Variants in USF2 observed in about 807,000 individuals in gnomAD.
The protein encoded by USF2 is upstream stimulatory factor 2.
A neutral mutation model predicts 46.9 loss-of-function variants in USF2; 16 were observed. That is an observed-to-expected ratio of 0.34 (90% CI 0.23 to 0.52). The LOEUF (loss-of-function observed/expected upper bound fraction) is 0.52. USF2 is among the 20% of genes least tolerant of loss of function. USF2 has a pLI of 0.96. For synonymous variants in USF2, 239 were observed against 194.1 expected (o/e 1.23, Z -1.92); for missense variants, 411 against 474.0 (o/e 0.87, Z 1.23).
intron 7 of USF2, among the ~76,000 whole-genome samples, chr19:35,271,470 C>T (rs983509402): frequency 2.6e-5 from 4 of 152,312 alleles, no homozygotes; most frequent in South Asian, 2.1e-4. Context: ...ACCGGGCTCA[C>T]GTGGGCTGAC....
chr19:35,269,507 G>T lies in USF2; in HGVS notation c.109+15G>T, dbSNP rs772249241. On this transcript the variant is annotated intron_variant, in intron 2 of 9. Coordinates refer to ENST00000222305, the MANE Select transcript of USF2 (RefSeq NM_003367.4). ...GCTGCAGGAAGGTGAGTGCTTGCCG[G>T]GCCGGCCGCGCCCGGGGAGGGCTGG... 30 of 1,543,726 alleles carry T rather than the reference G, an allele frequency of 1.9e-5. No homozygotes were observed. The highest frequency in any genetic ancestry group is 2.6e-5 in the Non-Finnish European group (30 of 1,149,972).
chr19:35,278,489 C>CTGG, intron 7 of USF2: 1 of 574,654 alleles, frequency 1.7e-6, no homozygotes, highest in Non-Finnish European at 3.1e-6. Context: ...ATGTGTGGCA[C>CTGG]TGGAGGGCCC....
chr19:35,272,473 C>T (rs2066171435), intron 7 of USF2, among the ~76,000 whole-genome samples: 2 of 152,054 alleles, frequency 1.3e-5, no homozygotes, highest in African/African-American at 4.8e-5. Context: ...ACAGGCCAGG[C>T]CCTGAGCCAG....
chr19:35,271,051 A>AC, intron 6 of USF2, 32 bp from the exon 7 acceptor site: 3 of 1,613,028 alleles, frequency 1.9e-6, no homozygotes, highest in Non-Finnish European at 2.5e-6. Flanking sequence ...CTGCGATAAT[A>AC]CATGCCCCCT....
chr19:35,279,055 A>G lies in USF2; in HGVS notation c.932A>G (p.Asn311Ser). ...FKEAERLQMD[N>S]ELLRQQIEEL... ...GAGGCCGAGCGGCTGCAGATGGACA[A>G]CGAGCTCCTGAGGCAGCAGGTGGGT... Residue 311 changes from asparagine to serine, a missense_variant, in exon 9 of 10, where the codon AAC becomes AGC. Physicochemically the swap from Asn to Ser is conservative, Grantham distance 46 (BLOSUM62 1). Coordinates refer to ENST00000222305, the MANE Select transcript of USF2 (RefSeq NM_003367.4). 2 of 1,600,658 alleles carry G rather than the reference A, an allele frequency of 1.2e-6. No individual in the cohort carries two copies. The highest frequency in any genetic ancestry group is 1.7e-6 in the Non-Finnish European group (2 of 1,173,286).
intron 7 of USF2, among the ~76,000 whole-genome samples, chr19:35,271,667 C>T (rs2066158979): frequency 6.6e-6 from 1 of 152,230 alleles, no homozygotes; most frequent in Admixed American, 6.5e-5. Context: ...GGTCATTTGG[C>T]CTTCAGCACT....
At position 35,269,791 on chromosome 19, in the gene USF2, C is replaced by G; in HGVS notation, c.229-12C>G. 1 of 1,491,566 alleles carries G rather than the reference C, an allele frequency of 6.7e-7. No individual in the cohort carries two copies. Among genetic ancestry groups the G allele is most frequent in the Non-Finnish European group, 8.9e-7 (1 of 1,124,910 alleles). The allele number at this position is 1,491,566 out of a possible 1,614,324, so 92.4% of individuals were successfully genotyped here. ...CCCAGCGCCGGCCTCGCCGCTCTGC[C>G]GCCCCCTGCAGGTGACATACCGCGT... On this transcript the variant is annotated splice_polypyrimidine_tract_variant and intron_variant, in intron 3 of 9. Coordinates refer to ENST00000222305, the MANE Select transcript of USF2 (RefSeq NM_003367.4).
At chr19:35,269,191 C>CG in intron 1 of USF2, 28 bp downstream of exon 1, 1 of 993,864 alleles carries the variant, frequency 1.0e-6, no homozygotes. Context: ...GCCGTGCCCC[C>CG]GCGCCCCGGC....
rs1477477370 is a variant in USF2 at position 35,269,165 on chromosome 19, TA to T, written c.62+4del. 1.0e-6 allele frequency: 1 copy of T among 999,230 alleles called. No homozygotes were observed. Among genetic ancestry groups the T allele is most frequent in the Non-Finnish European group, 1.2e-6 (1 of 844,092 alleles). 61.9% of individuals were successfully genotyped at this position (999,230 alleles called of 1,614,324 possible). ...GGCCACCGCTGCTGCCGCCGCCAGG[TA>T]AGATCCCCGGCCCGGCCGTGCCCCC... is the stretch of plus-strand genomic sequence containing the variant. On this transcript the variant is annotated splice_donor_region_variant and intron_variant, in intron 1 of 9. Coordinates refer to ENST00000222305, the MANE Select transcript of USF2 (RefSeq NM_003367.4).
chr19:35,273,037 C>A (rs1195824490), intron 7 of USF2, among the ~76,000 whole-genome samples: 1 of 151,974 alleles, frequency 6.6e-6, no homozygotes, highest in East Asian at 1.9e-4. Context: ...GAAGAGAGGA[C>A]TCAGAACCCT....
At chr19:35,273,125 G>T (rs955927215) in intron 7 of USF2, among the ~76,000 whole-genome samples, 11 of 151,954 alleles carry the variant, frequency 7.2e-5, no homozygotes, top group African/African-American at 2.7e-4. Context: ...ACCCTGTGAA[G>T]CAGTCTTCAT....
chr19:35,271,221 A>T (rs2066151971), intron 7 of USF2, 80 bp downstream of exon 7: 1 of 1,560,724 alleles, frequency 6.4e-7, no homozygotes, highest in South Asian at 1.1e-5. Flanking sequence ...GGAGTGACAG[A>T]GAGAGAAGCC....
intron 7 of USF2, among the ~76,000 whole-genome samples, chr19:35,276,306 A>C (rs1391572873): frequency 6.6e-6 from 1 of 152,118 alleles, no homozygotes; most frequent in African/African-American, 2.4e-5. Context: ...TCCTGGCCTC[A>C]TGTGATCCAC....
At chr19:35,272,067 G>C (rs1245626837) in intron 7 of USF2, among the ~76,000 whole-genome samples, 2 of 152,212 alleles carry the variant, frequency 1.3e-5, no homozygotes, top group African/African-American at 4.8e-5. Flanking sequence ...GAGTCCTAAA[G>C]GTGGTGATGG....
intron 3 of USF2, 29 bp from the exon 4 acceptor site, chr19:35,269,774 C>A: frequency 6.7e-7 from 1 of 1,488,700 alleles, no homozygotes; most frequent in Non-Finnish European, 8.9e-7. Context: ...GCCCCAGCGC[C>A]GGCCTCGCCG....
Position 35,279,039 on chromosome 19 carries a change from C to G in USF2, c.916C>G (p.Arg306Gly). 6.3e-7 allele frequency: 1 copy of G among 1,594,726 alleles called. No homozygotes were observed. Among genetic ancestry groups the G allele is most frequent in the Non-Finnish European group, 8.5e-7 (1 of 1,170,144 alleles). Residue 306 changes from arginine to glycine, a missense_variant, in exon 9 of 10, where the codon CGG becomes GGG. Physicochemically the swap from Arg to Gly is moderately radical, Grantham distance 125. This residue lies in a region of USF2 where 93 missense variants were observed against 151.6 expected (regional missense o/e 0.61). Coordinates refer to ENST00000222305, the MANE Select transcript of USF2 (RefSeq NM_003367.4). ...GCAGGAGACCTTCAAAGAGGCCGAG[C>G]GGCTGCAGATGGACAACGAGCTCCT... ...RMQETFKEAE[R>G]LQMDNELLRQ...
rs969415814 is a variant in USF2 at position 35,269,890 on chromosome 19, G to A, written c.316G>A (p.Ala106Thr). ...CGCCGTCAGCGTCGTGTCCACCGCT[G>A]CCTTCGCGGGGGGGCAGCAGGCTGT... ...AGAVSVVSTA[A>T]FAGGQQAVTQ... is the part of the protein sequence containing the mutation. The change falls in exon 4 of 10, where the codon GCC becomes ACC. Residue 106 changes from alanine (A) to threonine (T), a missense_variant. This residue lies in a region of USF2 where 318 missense variants were observed against 322.4 expected (regional missense o/e 0.99). Coordinates refer to ENST00000222305, the MANE Select transcript of USF2 (RefSeq NM_003367.4). The A allele has an allele frequency of 3.6e-6, 5 of 1,407,134 alleles. No individual in the cohort carries two copies. In the African/African-American group the frequency reaches 7.6e-5, roughly 21 times the overall value. The allele number at this position is 1,407,134 out of a possible 1,614,324, so 87.2% of individuals were successfully genotyped here.
chr19:35,279,476 T>C lies in USF2; in HGVS notation c.*220T>C. ...TATCCTCCCTGCCCATCCGTCTGTCTGTCGCCCTTCTCCCGGCCCTCACTA... is the reference window on the plus strand; with the variant it reads ...TATCCTCCCTGCCCATCCGTCTGTCCGTCGCCCTTCTCCCGGCCCTCACTA... On this transcript the variant is annotated 3_prime_UTR_variant, in exon 10 of 10. Transcript: ENST00000222305. The C allele has an allele frequency of 1.9e-6, 1 of 537,704 alleles. No homozygotes were observed. The highest frequency in any genetic ancestry group is 3.8e-5 in the Admixed American group (1 of 26,048). The allele number at this position is 537,704 out of a possible 1,614,324, so 33.3% of individuals were successfully genotyped here.
At position 35,269,093 on chromosome 19, in the gene USF2, G is replaced by GC. The variant is rs1278902719; in HGVS notation, c.-1dup. On this transcript the variant is annotated 5_prime_UTR_variant, in exon 1 of 10. Coordinates refer to ENST00000222305, the MANE Select transcript of USF2 (RefSeq NM_003367.4). ...CGGGCCCCGCGCCCCCCCCGCCCCC[G>GC]CCCCCCCCATGGACATGCTGGACCC... 3.4e-4 allele frequency: 15 copies of GC among 44,272 alleles called. No individual in the cohort carries two copies. The highest frequency in any genetic ancestry group is 1.3e-3 in the South Asian group (2 of 1,588). The allele number at this position is 44,272 out of a possible 1,614,324, so 2.7% of individuals were successfully genotyped here.
Sources: gnomAD v4.1 joint callset for allele counts (sites outside exome capture counted in the v4.1 genomes callset) on GRCh38, gnomAD v4.1.1 for gene constraint, gnomAD v4.1.1 regional missense constraint, MANE v1.5 for transcripts, NCBI Gene and HGNC (gene_info 2026-07-23, HGNC 2026-07-21) for gene names.